The following CSNK1G1 variants were observed in gnomAD, a reference collection of about 807,000 sequenced individuals.
The protein encoded by CSNK1G1 is casein kinase I isoform gamma-1.
In CSNK1G1, 22 loss-of-function variants were observed where a neutral mutation model predicts 59.6. The observed-to-expected ratio is 0.37, with a 90% CI of 0.26 to 0.53. The LOEUF (loss-of-function observed/expected upper bound fraction) is 0.53. Among genes scored for constraint, CSNK1G1 ranks in the 20% least tolerant of loss-of-function variants. The pLI is 0.89. For missense variants in CSNK1G1, 384 were observed against 519.5 expected, an observed-to-expected ratio of 0.74 and a Z score of 2.54; for synonymous variants, 179 against 177.1, an observed-to-expected ratio of 1.01 and a Z score of -0.08.
intron 10 of CSNK1G1, among the ~76,000 whole-genome samples, chr15:64,202,523 C>T (rs1239017596): frequency 6.6e-6 from 1 of 151,650 alleles, no homozygotes; most frequent in Non-Finnish European, 1.5e-5. Context: ...CCCCAACAGC[C>T]AACAGACTCT....
At chr15:64,283,490 G>A (rs865875680) in intron 2 of CSNK1G1, among the ~76,000 whole-genome samples, 4 of 151,592 alleles carry the variant, frequency 2.6e-5, no homozygotes, top group South Asian at 2.1e-4. Flanking sequence ...TTACAGAAGC[G>A]CACCAACACA....
chr15:64,308,789 C>T (rs988687955), intron 1 of CSNK1G1, among the ~76,000 whole-genome samples: 2 of 151,664 alleles, frequency 1.3e-5, no homozygotes, highest in African/African-American at 2.4e-5. Flanking sequence ...CCCAGCTACT[C>T]GGGAAGCTGA....
chr15:64,278,367 CATGTATGTGCGT>C (rs2140361969), intron 2 of CSNK1G1, among the ~76,000 whole-genome samples: 1 of 123,724 alleles, frequency 8.1e-6, no homozygotes, highest in East Asian at 2.5e-4. Context: ...AGTATATATG[CATGTATGTGCGT>C]GTGTGTGTGT....
At chr15:64,236,397 A>G (rs970186982) in intron 4 of CSNK1G1, among the ~76,000 whole-genome samples, 22 of 152,198 alleles carry the variant, frequency 1.4e-4, no homozygotes, top group Admixed American at 6.6e-5. Context: ...GCAACTATTC[A>G]TCTGACAGGG....
intron 2 of CSNK1G1, among the ~76,000 whole-genome samples, chr15:64,295,292 G>A (rs1438656630): frequency 6.6e-6 from 1 of 152,048 alleles, no homozygotes; most frequent in Non-Finnish European, 1.5e-5. Context: ...TACACTGCTC[G>A]AGGTCATCAC....
intron 5 of CSNK1G1, among the ~76,000 whole-genome samples, chr15:64,215,314 G>A (rs1463494318): frequency 1.4e-5 from 2 of 140,844 alleles, no homozygotes; most frequent in Non-Finnish European, 3.0e-5. Context: ...CTGGGTTCAC[G>A]CCATTCTCCT....
Position 64,222,444 on chromosome 15 carries a change from A to C in CSNK1G1, c.293-5731T>G, listed in dbSNP as rs1032823012. Among the ~76,000 whole-genome samples the C allele has an allele frequency of 4.7e-4, 70 of 149,308 alleles. 1 individual carries two copies. In the East Asian group the frequency reaches 6.6e-3, roughly 14 times the overall value. The stretch of plus-strand genomic sequence containing the variant: ...TAACAACAACAACACCACCAAAAAA[A>C]AAAAAAAAAAAAAAAGAGGAGGGGG... On this transcript the variant is annotated intron_variant, in intron 4 of 11. Transcript: ENST00000303052.
intron 11 of CSNK1G1, among the ~76,000 whole-genome samples, chr15:64,178,188 TG>T (rs1443597274): frequency 6.6e-6 from 1 of 152,190 alleles, no homozygotes; most frequent in Non-Finnish European, 1.5e-5. Flanking sequence ...AGTAACATAT[TG>T]TTTATTTAAG....
At chr15:64,305,198 T>C (rs1438844687) in intron 1 of CSNK1G1, among the ~76,000 whole-genome samples, 4 of 152,096 alleles carry the variant, frequency 2.6e-5, no homozygotes, top group Non-Finnish European at 5.9e-5. Flanking sequence ...AAGAATGAGA[T>C]AAAACCCTAA....
intron 4 of CSNK1G1, among the ~76,000 whole-genome samples, chr15:64,229,956 C>G (rs1174885870): frequency 2.1e-5 from 2 of 96,866 alleles, no homozygotes; most frequent in Non-Finnish European, 3.9e-5. Context: ...GAATCTCACT[C>G]TGTCGCCCAG....
At chr15:64,199,772 G>A (rs118049617) in intron 10 of CSNK1G1, among the ~76,000 whole-genome samples, 6,721 of 152,160 alleles carry the variant, frequency 0.044, 194 homozygotes, top group South Asian at 0.085. Flanking sequence ...AGAGTTGCTC[G>A]AACCCGGGAG....
intron 3 of CSNK1G1, among the ~76,000 whole-genome samples, chr15:64,257,474 A>G (rs976113107): frequency 1.3e-5 from 2 of 152,226 alleles, no homozygotes; most frequent in African/African-American, 4.8e-5. Flanking sequence ...GGTGTACTAG[A>G]GAACACTTTT....
At chr15:64,229,869 T>C (rs914440362) in intron 4 of CSNK1G1, among the ~76,000 whole-genome samples, 1 of 137,178 alleles carries the variant, frequency 7.3e-6, no homozygotes, top group Non-Finnish European at 1.6e-5. Flanking sequence ...CAAAAAAAAA[T>C]CCTTAAGCCT....
intron 4 of CSNK1G1, among the ~76,000 whole-genome samples, chr15:64,240,554 C>T (rs1419078248): frequency 6.7e-6 from 1 of 149,984 alleles, no homozygotes; most frequent in Non-Finnish European, 1.5e-5. Context: ...AAAAAAGAGT[C>T]AAGAAAATTA....
In CSNK1G1 at chr15:64,304,123, C is replaced by G. The variant is rs12591680; in HGVS notation, c.-224-3400G>C. Among the ~76,000 whole-genome samples, 19 of 152,184 alleles carry G rather than the reference C, an allele frequency of 1.2e-4. No homozygotes were observed. The East Asian group carries it at 3.5e-3, about 28-fold the overall frequency. On this transcript the variant is annotated intron_variant, in intron 1 of 11. Transcript: ENST00000303052. ...AAAGATGAGGCCAGGAGCAGTGGCT[C>G]ATGCCTATAATCCCAGTACTTTGGG...
intron 4 of CSNK1G1, among the ~76,000 whole-genome samples, chr15:64,231,349 T>C (rs1383318042): frequency 6.8e-6 from 1 of 147,438 alleles, no homozygotes; most frequent in Non-Finnish European, 1.5e-5. Context: ...ATTATATATA[T>C]ATTTATATTT....
At chr15:64,222,441 A>G (rs1466102614) in intron 4 of CSNK1G1, among the ~76,000 whole-genome samples, 116 of 142,128 alleles carry the variant, frequency 8.2e-4, no homozygotes, top group African/African-American at 3.3e-3. Context: ...CACCACCAAA[A>G]AAAAAAAAAA....
intron 1 of CSNK1G1, among the ~76,000 whole-genome samples, chr15:64,343,619 A>C (rs909447843): frequency 6.6e-6 from 1 of 151,892 alleles, no homozygotes; most frequent in African/African-American, 2.4e-5. Context: ...TCTCCCCTCT[A>C]AATTACTGTA....
At chr15:64,242,209 C>A (rs970565174) in intron 4 of CSNK1G1, among the ~76,000 whole-genome samples, 1 of 152,114 alleles carries the variant, frequency 6.6e-6, no homozygotes, top group Non-Finnish European at 1.5e-5. Context: ...GTAACTTATT[C>A]CATCAAAGGA....
Sources: allele counts gnomAD v4.1 joint callset (sites outside exome capture counted in the v4.1 genomes callset), GRCh38; gene constraint gnomAD v4.1.1; transcripts MANE v1.5; gene names NCBI Gene and HGNC (gene_info 2026-07-23, HGNC 2026-07-21).